FLRT2: variants seen among roughly 807,000 people sequenced by gnomAD.
FLRT2 encodes the protein fibronectin leucine rich transmembrane protein 2.
Under a neutral mutation model 40.0 loss-of-function variants are expected in FLRT2, and 15 were observed. That is an observed-to-expected ratio of 0.38 (90% CI 0.25 to 0.58). FLRT2 has a LOEUF of 0.58. Among genes scored for constraint, FLRT2 ranks in the 20% least tolerant of loss-of-function variants. The probability of loss-of-function intolerance (pLI) is 0.71; values close to 1 mark genes in which losing one functional copy is unlikely to be tolerated. For missense variants in FLRT2, 726 were observed against 840.0 expected (o/e 0.86, Z 1.68); for synonymous variants, 380 against 336.8 (o/e 1.13, Z -1.41).
chr14:85,612,764 C>T (rs570051156), intron 1 of FLRT2, among the ~76,000 whole-genome samples: 1 of 152,280 alleles, frequency 6.6e-6, no homozygotes, highest in Non-Finnish European at 1.5e-5. Context: ...CATTTACATT[C>T]AGAGCCATCT....
At position 85,546,608 on chromosome 14, in the gene FLRT2, G is replaced by A. The variant is rs571636075; in HGVS notation, c.-377+16074G>A. On this transcript the variant is annotated intron_variant, in intron 1 of 1. Coordinates refer to ENST00000330753, the MANE Select transcript of FLRT2 (RefSeq NM_013231.6). ...GGAAGTGCAAATTTAGCTGAATTGG[G>A]TAGAACCGAAACGCTTGCCCTCTGC... Among the ~76,000 whole-genome samples the A allele has an allele frequency of 4.6e-5, 7 of 152,304 alleles. 1 individual carries two copies. The highest frequency in any genetic ancestry group is 4.6e-4 in the Admixed American group (7 of 15,296).
At chr14:85,545,477 A>G (rs946091349) in intron 1 of FLRT2, among the ~76,000 whole-genome samples, 35 of 152,316 alleles carry the variant, frequency 2.3e-4, no homozygotes, top group Admixed American at 1.9e-3. Context: ...TTGTTTGTCC[A>G]TGGCTTAAAA....
chr14:85,545,600 ATTAG>A (rs1034689398), intron 1 of FLRT2, among the ~76,000 whole-genome samples: 1 of 152,222 alleles, frequency 6.6e-6, no homozygotes, highest in Non-Finnish European at 1.5e-5. Context: ...CTAAGAAATC[ATTAG>A]TTAGTCTGCC....
chr14:85,599,856 T>A (rs1892307161), intron 1 of FLRT2, among the ~76,000 whole-genome samples: 2 of 152,122 alleles, frequency 1.3e-5, no homozygotes, highest in African/African-American at 4.8e-5. Context: ...AAGTGTTAGA[T>A]CTGGGATTTA....
rs146363648 is a variant in FLRT2 at position 85,564,096 on chromosome 14, G to C, written c.-377+33562G>C. ...AAGGAGAGGGTGGACAGAGCGTTTT[G>C]CTTTTCTATGGCCCTGTTTTGAATG... On this transcript the variant is annotated intron_variant, in intron 1 of 1. Coordinates refer to ENST00000330753, the MANE Select transcript of FLRT2 (RefSeq NM_013231.6). 6.1e-4 allele frequency among the ~76,000 whole-genome samples: 93 copies of C among 152,272 alleles called. 1 individual carries two copies. Among genetic ancestry groups the C allele is most frequent in the African/African-American group, 1.9e-3 (81 of 41,548 alleles).
At chr14:85,543,975 G>C (rs1889129445) in intron 1 of FLRT2, among the ~76,000 whole-genome samples, 1 of 152,146 alleles carries the variant, frequency 6.6e-6, no homozygotes. Flanking sequence ...CATCTCTGTG[G>C]TGCTAACAGA....
chr14:85,549,113 T>G (rs985919682), intron 1 of FLRT2, among the ~76,000 whole-genome samples: 4 of 152,120 alleles, frequency 2.6e-5, no homozygotes, highest in Non-Finnish European at 4.4e-5. Context: ...CCATCAGCAA[T>G]AAAATCCTCT....
Position 85,645,136 on chromosome 14 carries a change from A to G in FLRT2, c.*21639A>G, listed in dbSNP as rs951665497. 3 of 146,436 alleles carry G rather than the reference A, an allele frequency of 2.0e-5. No homozygotes were observed. Among genetic ancestry groups the G allele is most frequent in the African/African-American group, 7.4e-5 (3 of 40,530 alleles). The allele number at this position is 146,436 out of a possible 1,614,324, so 9.1% of individuals were successfully genotyped here. A position where few individuals can be genotyped will look rare whatever the true frequency, so the allele number is the denominator to read the frequency against. ...CTTGGGCAGCAGAACTCCTACATCA[A>G]GTAAAAAGTATATATATACACACAT... On this transcript the variant is annotated 3_prime_UTR_variant, in exon 2 of 2. Transcript: ENST00000330753.
rs1893995322 is a variant in FLRT2 at position 85,636,223 on chromosome 14, C to CCT, written c.*12729_*12730dup. On this transcript the variant is annotated 3_prime_UTR_variant, in exon 2 of 2. Transcript: ENST00000330753. The stretch of plus-strand genomic sequence containing the variant: ...AAAGTTAGTTTTAAATATTATGCTA[C>CCT]CTCTATAAAGGACCAAAATAGTATT... 4 of 151,680 alleles carry CCT rather than the reference C, an allele frequency of 2.6e-5. No individual in the cohort carries two copies. In the South Asian group the frequency reaches 8.3e-4, roughly 32 times the overall value. 9.4% of individuals were successfully genotyped at this position (151,680 alleles called of 1,614,324 possible).
Position 85,643,346 on chromosome 14 carries a change from T to A in FLRT2, c.*19849T>A, listed in dbSNP as rs12879033. On this transcript the variant is annotated 3_prime_UTR_variant, in exon 2 of 2. Coordinates refer to ENST00000330753, the MANE Select transcript of FLRT2 (RefSeq NM_013231.6). ...TTCTTTCTTTCTTTCTTTCTTTCTT[T>A]CTTTCTTTCTTCCTTCCTTCCTTCC... 3 of 58,362 alleles carry A rather than the reference T, an allele frequency of 5.1e-5. No homozygotes were observed. Among genetic ancestry groups the A allele is most frequent in the African/African-American group, 1.8e-4 (3 of 16,742 alleles). 3.6% of individuals were successfully genotyped at this position (58,362 alleles called of 1,614,324 possible). A position where few individuals can be genotyped will look rare whatever the true frequency, so the allele number is the denominator to read the frequency against.
At chr14:85,538,183 C>T (rs925980419) in intron 1 of FLRT2, among the ~76,000 whole-genome samples, 3 of 152,126 alleles carry the variant, frequency 2.0e-5, no homozygotes, top group Admixed American at 6.6e-5. Context: ...GTGTGCAGTG[C>T]CATGTGCCTT....
chr14:85,616,725 T>C (rs2139361734), intron 1 of FLRT2, among the ~76,000 whole-genome samples: 1 of 152,320 alleles, frequency 6.6e-6, no homozygotes, highest in African/African-American at 2.4e-5. Flanking sequence ...GATTACCTGA[T>C]GCTCTAGGGT....
intron 1 of FLRT2, among the ~76,000 whole-genome samples, chr14:85,554,988 C>G (rs754205894): frequency 9.2e-5 from 14 of 152,132 alleles, no homozygotes; most frequent in Non-Finnish European, 1.8e-4. Context: ...TAATGCCTAT[C>G]TATTGGAGAT....
chr14:85,575,064 G>A (rs1337859620), intron 1 of FLRT2, among the ~76,000 whole-genome samples: 2 of 152,188 alleles, frequency 1.3e-5, no homozygotes, highest in Non-Finnish European at 2.9e-5. Flanking sequence ...AGCAAAAAAG[G>A]CCTGTGGCCA....
Position 85,645,092 on chromosome 14 carries a change from A to C in FLRT2, c.*21595A>C, listed in dbSNP as rs1257368818. 3.9e-5 allele frequency: 6 copies of C among 152,078 alleles called. No individual in the cohort carries two copies. The highest frequency in any genetic ancestry group is 6.6e-5 in the Admixed American group (1 of 15,254). The allele number at this position is 152,078 out of a possible 1,614,324, so 9.4% of individuals were successfully genotyped here. On this transcript the variant is annotated 3_prime_UTR_variant, in exon 2 of 2. Transcript: ENST00000330753. ...TGAACTGTAATCATGAGTTTTGATC[A>C]ACCAACCATAAAGTTGAGCTTGGGC...
chr14:85,650,403 G>C lies in FLRT2; in HGVS notation c.*26906G>C, dbSNP rs1396481264. ...CATTTCCACTGTTTTACATTTTTTAGTATCATAAACTATCCTTCAATGAAC... is the reference window on the plus strand; with the variant it reads ...CATTTCCACTGTTTTACATTTTTTACTATCATAAACTATCCTTCAATGAAC... On this transcript the variant is annotated 3_prime_UTR_variant, in exon 2 of 2. Coordinates refer to ENST00000330753, the MANE Select transcript of FLRT2 (RefSeq NM_013231.6). 6.6e-6 allele frequency: 1 copy of C among 151,558 alleles called. No homozygotes were observed. Among genetic ancestry groups the C allele is most frequent in the Non-Finnish European group, 1.5e-5 (1 of 67,892 alleles). The allele number at this position is 151,558 out of a possible 1,614,324, so 9.4% of individuals were successfully genotyped here.
chr14:85,569,264 A>T (rs945900853), intron 1 of FLRT2, among the ~76,000 whole-genome samples: 7 of 152,248 alleles, frequency 4.6e-5, no homozygotes, highest in Non-Finnish European at 8.8e-5. Context: ...CACCCTTGGC[A>T]GTTGAACACT....
intron 1 of FLRT2, among the ~76,000 whole-genome samples, chr14:85,542,949 A>G (rs1889065304): frequency 6.6e-6 from 1 of 152,200 alleles, no homozygotes; most frequent in South Asian, 2.1e-4. Flanking sequence ...AGGTTGGCCT[A>G]TAGTCACTCT....
intron 1 of FLRT2, among the ~76,000 whole-genome samples, chr14:85,554,707 T>C (rs150201115): frequency 1.3e-5 from 2 of 152,366 alleles, no homozygotes; most frequent in Admixed American, 6.5e-5. Flanking sequence ...TAGGTTTTAA[T>C]CTAATCCAAG....
Sources: allele counts gnomAD v4.1 joint callset (sites outside exome capture counted in the v4.1 genomes callset), GRCh38; gene constraint gnomAD v4.1.1; transcripts MANE v1.5; gene names NCBI Gene and HGNC (gene_info 2026-07-23, HGNC 2026-07-21).